Variants in NTM observed in about 807,000 individuals in gnomAD.
NTM encodes the protein neurotrimin.
A neutral mutation model predicts 42.1 loss-of-function variants in NTM; 13 were observed. The observed-to-expected ratio is 0.31, with a 90% CI of 0.20 to 0.49. The LOEUF (loss-of-function observed/expected upper bound fraction) is 0.49. NTM is among the 20% of genes least tolerant of loss of function. NTM has a pLI of 0.99. For synonymous variants in NTM, 187 were observed against 179.2 expected (o/e 1.04, Z -0.35); for missense variants, 373 against 452.8 (o/e 0.82, Z 1.60).
At chr11:131,865,015 C>T (rs1330083739) in intron 1 of NTM, among the ~76,000 whole-genome samples, 1 of 152,220 alleles carries the variant, frequency 6.6e-6, no homozygotes, top group African/African-American at 2.4e-5. Context: ...CAGCACCATT[C>T]TGTGTGGGTG....
intron 4 of NTM, among the ~76,000 whole-genome samples, chr11:132,217,523 G>C (rs1010603346): frequency 8.6e-5 from 13 of 151,876 alleles, no homozygotes; most frequent in African/African-American, 3.1e-4. Context: ...TCTTCCCTAG[G>C]GTGATATAAA....
chr11:131,642,779 T>C (rs1387708657), intron 1 of NTM, among the ~76,000 whole-genome samples: 1 of 152,144 alleles, frequency 6.6e-6, no homozygotes, highest in African/African-American at 2.4e-5. Flanking sequence ...CACCCACTAT[T>C]TTTTTCATTA....
At chr11:131,513,422 T>C (rs796902212) in intron 1 of NTM, among the ~76,000 whole-genome samples, 41 of 151,566 alleles carry the variant, frequency 2.7e-4, no homozygotes, top group African/African-American at 9.7e-4. Context: ...AGACCGGAAA[T>C]ACTGACCAAA....
At chr11:132,065,576 T>C (rs2056351255) in intron 2 of NTM, among the ~76,000 whole-genome samples, 1 of 152,210 alleles carries the variant, frequency 6.6e-6, no homozygotes, top group South Asian at 2.1e-4. Context: ...ATAATTATTC[T>C]ATGAATTAAA....
intron 2 of NTM, among the ~76,000 whole-genome samples, chr11:131,962,972 G>A (rs1041625820): frequency 1.4e-4 from 22 of 152,144 alleles, no homozygotes; most frequent in African/African-American, 3.9e-4. Flanking sequence ...GTGAAATAGC[G>A]TTTGCTACAG....
chr11:131,455,898 C>T (rs941352620), intron 1 of NTM, among the ~76,000 whole-genome samples: 14 of 152,002 alleles, frequency 9.2e-5, no homozygotes, highest in African/African-American at 3.1e-4. Context: ...GTTTTGAGGC[C>T]GACATACAGT....
intron 1 of NTM, among the ~76,000 whole-genome samples, chr11:131,822,825 C>T (rs753720262): frequency 7.2e-6 from 1 of 139,738 alleles, no homozygotes; most frequent in Non-Finnish European, 1.6e-5. Context: ...CGTTCAAGGA[C>T]TCATTTGCTT....
chr11:131,617,776 G>T (rs1320044771), intron 1 of NTM, among the ~76,000 whole-genome samples: 1 of 152,156 alleles, frequency 6.6e-6, no homozygotes, highest in African/African-American at 2.4e-5. Context: ...TTTCCCCTGG[G>T]GTTTTTGTTT....
At chr11:131,564,868 TAC>T (rs58633675) in intron 1 of NTM, among the ~76,000 whole-genome samples, 7 of 151,562 alleles carry the variant, frequency 4.6e-5, no homozygotes, top group Admixed American at 2.0e-4. Context: ...TACACACACA[TAC>T]ACACACACAC....
chr11:132,319,429 G>A (rs2095509295), intron 7 of NTM, among the ~76,000 whole-genome samples: 1 of 152,212 alleles, frequency 6.6e-6, no homozygotes, highest in Non-Finnish European at 1.5e-5. Flanking sequence ...CTAATACTGT[G>A]CTTTTCCAAC....
intron 2 of NTM, among the ~76,000 whole-genome samples, chr11:132,126,552 A>T (rs1368328547): frequency 1.3e-5 from 2 of 152,084 alleles, no homozygotes; most frequent in East Asian, 3.9e-4. Context: ...GGGCAGGAGG[A>T]GGGGGAGGAA....
intron 4 of NTM, among the ~76,000 whole-genome samples, chr11:132,260,408 A>G (rs2092775972): frequency 6.6e-6 from 1 of 152,200 alleles, no homozygotes; most frequent in African/African-American, 2.4e-5. Context: ...TCTCTGAATT[A>G]CCATGGGAAT....
At chr11:131,930,947 C>G (rs969844046) in intron 2 of NTM, among the ~76,000 whole-genome samples, 2 of 152,156 alleles carry the variant, frequency 1.3e-5, no homozygotes, top group Admixed American at 1.3e-4. Flanking sequence ...TGCTTTGATG[C>G]TCTTTGACTG....
At chr11:132,058,963 G>A (rs2080172845) in intron 2 of NTM, among the ~76,000 whole-genome samples, 1 of 152,158 alleles carries the variant, frequency 6.6e-6, no homozygotes, top group Non-Finnish European at 1.5e-5. Context: ...GGAGTGAGAG[G>A]GAATTCAGTG....
At chr11:132,097,591 A>G (rs543767688) in intron 2 of NTM, among the ~76,000 whole-genome samples, 67 of 152,356 alleles carry the variant, frequency 4.4e-4, no homozygotes, top group African/African-American at 1.4e-3. Flanking sequence ...TTGTGTTGAC[A>G]TAACAACTGA....
At chr11:131,545,964 G>A (rs1356340961) in intron 1 of NTM, among the ~76,000 whole-genome samples, 2 of 152,164 alleles carry the variant, frequency 1.3e-5, no homozygotes, top group African/African-American at 4.8e-5. Flanking sequence ...GAACCCAGCT[G>A]TTTATGGGTA....
chr11:132,052,773 C>CTGTGTGTGTGTGTG (rs5795753), intron 2 of NTM, among the ~76,000 whole-genome samples: 2 of 148,272 alleles, frequency 1.3e-5, no homozygotes, highest in African/African-American at 5.0e-5. Context: ...TCCAGGCTCA[C>CTGTGTGTGTGTGTG]TGTGTGTGTG....
intron 1 of NTM, among the ~76,000 whole-genome samples, chr11:131,523,370 C>T (rs1462415706): frequency 1.3e-5 from 2 of 152,134 alleles, no homozygotes; most frequent in Non-Finnish European, 1.5e-5. Flanking sequence ...AAAATAACAG[C>T]TAAACTTCAA....
intron 1 of NTM, among the ~76,000 whole-genome samples, chr11:131,560,624 T>C (rs145171020): frequency 1.3e-5 from 2 of 152,332 alleles, no homozygotes; most frequent in East Asian, 3.9e-4. Flanking sequence ...ATCTTTTGAA[T>C]ATGAAAAAGC....
Sources: gnomAD v4.1 joint callset for allele counts (sites outside exome capture counted in the v4.1 genomes callset) on GRCh38, gnomAD v4.1.1 for gene constraint, MANE v1.5 for transcripts, NCBI Gene and HGNC (gene_info 2026-07-23, HGNC 2026-07-21) for gene names.